DNAH11: variants seen among roughly 807,000 people sequenced by gnomAD.
DNAH11 encodes axonemal beta dynein heavy chain 11.
In DNAH11, 442 loss-of-function variants were observed where a neutral mutation model predicts 526.0. The ratio of observed to expected loss-of-function variants is 0.84; its 90% confidence interval spans 0.78 to 0.91. The LOEUF (loss-of-function observed/expected upper bound fraction) is 0.91, where lower values mean the gene tolerates loss of function less well. DNAH11 is among the 40% of genes least tolerant of loss of function. The pLI is 0.00. For missense variants in DNAH11, 6,989 were observed against 5,448.7 expected, an observed-to-expected ratio of 1.28 and a Z score of -8.90; for synonymous variants, 2,461 against 1,935.9, an observed-to-expected ratio of 1.27 and a Z score of -7.12.
rs376093049 is a variant in DNAH11 at position 21,691,199 on chromosome 7, A to G, written c.6041+318A>G. ...TTTTCTTTTTTTTTTTTTAACAGTCAAAGTGCATTTTATTGCCAACAGAAC... is the reference window on the plus strand; with the variant it reads ...TTTTCTTTTTTTTTTTTTAACAGTCGAAGTGCATTTTATTGCCAACAGAAC... On this transcript the variant is annotated intron_variant, in intron 35 of 81. Coordinates refer to ENST00000409508, the MANE Select transcript of DNAH11 (RefSeq NM_001277115.2). Among the ~76,000 whole-genome samples, 5 of 148,822 alleles carry G rather than the reference A, an allele frequency of 3.4e-5. 1 individual carries two copies. Among genetic ancestry groups the G allele is most frequent in the Admixed American group, 1.3e-4 (2 of 14,892 alleles).
intron 28 of DNAH11, among the ~76,000 whole-genome samples, chr7:21,639,495 C>T (rs1787023817): frequency 6.6e-6 from 1 of 152,190 alleles, no homozygotes; most frequent in South Asian, 2.1e-4. Flanking sequence ...GGCTTATCTT[C>T]AGTGCTGTCC....
intron 76 of DNAH11, among the ~76,000 whole-genome samples, chr7:21,890,325 C>G (rs1053327727): frequency 3.3e-5 from 5 of 152,192 alleles, no homozygotes; most frequent in Non-Finnish European, 5.9e-5. Flanking sequence ...TGTCACATGT[C>G]TATAAAGACT....
chr7:21,597,708 A>C (rs1266613580), intron 14 of DNAH11, among the ~76,000 whole-genome samples: 1 of 152,086 alleles, frequency 6.6e-6, no homozygotes, highest in Non-Finnish European at 1.5e-5. Context: ...CCACCAGGCC[A>C]CTCTCCCAAC....
At chr7:21,793,156 C>T (rs1788549335) in intron 61 of DNAH11, among the ~76,000 whole-genome samples, 1 of 152,256 alleles carries the variant, frequency 6.6e-6, no homozygotes, top group South Asian at 2.1e-4. Context: ...GTTTAATTTT[C>T]CTGTGTTCGT....
chr7:21,887,354 G>T (rs1346047086), intron 76 of DNAH11, among the ~76,000 whole-genome samples: 1 of 152,170 alleles, frequency 6.6e-6, no homozygotes, highest in Non-Finnish European at 1.5e-5. Flanking sequence ...ATTTGGCAGC[G>T]TTAATTAAGA....
At chr7:21,785,034 C>G (rs1788113242) in intron 58 of DNAH11, among the ~76,000 whole-genome samples, 1 of 152,174 alleles carries the variant, frequency 6.6e-6, no homozygotes, top group African/African-American at 2.4e-5. Flanking sequence ...CCTAAGCGTT[C>G]ACATTCTTAT....
intron 2 of DNAH11, among the ~76,000 whole-genome samples, chr7:21,545,435 C>G (rs950166250): frequency 5.3e-5 from 8 of 152,096 alleles, no homozygotes; most frequent in African/African-American, 1.7e-4. Flanking sequence ...TTCTTCCTTC[C>G]AACACAATAG....
rs747820072 is a variant in DNAH11, at chr7:21,698,119, T to C, written c.6086T>C (p.Ile2029Thr). The change falls in exon 36 of 82, where the codon ATC becomes ACC. Residue 2029 changes from isoleucine to threonine, a missense_variant. Transcript: ENST00000409508. Reference protein sequence around the residue: ...VAPDIELICEILLVAEGFVDA... With the variant: ...VAPDIELICETLLVAEGFVDA... ...CCTGACATTGAGCTAATCTGTGAAA[T>C]CTTGTTAGTTGCTGAAGGTTTTGTG... is the stretch of plus-strand genomic sequence containing the variant. 1 of 1,613,600 alleles carries C rather than the reference T, an allele frequency of 6.2e-7. No individual in the cohort carries two copies. The highest frequency in any genetic ancestry group is 8.5e-7 in the Non-Finnish European group (1 of 1,179,712).
At chr7:21,604,229 C>A (rs1785198696) in intron 18 of DNAH11, among the ~76,000 whole-genome samples, 1 of 152,146 alleles carries the variant, frequency 6.6e-6, no homozygotes, top group South Asian at 2.1e-4. Flanking sequence ...TGAGGACTCA[C>A]CACCAGCAAG....
At chr7:21,544,555 A>G (rs1782735675) in intron 1 of DNAH11, among the ~76,000 whole-genome samples, 1 of 152,344 alleles carries the variant, frequency 6.6e-6, no homozygotes, top group East Asian at 1.9e-4. Flanking sequence ...AAATGTTAGC[A>G]TGTTTTGGTT....
At chr7:21,691,053 T>C (rs906673532) in intron 35 of DNAH11, among the ~76,000 whole-genome samples, 172 bp downstream of exon 35, 2 of 152,214 alleles carry the variant, frequency 1.3e-5, no homozygotes, top group African/African-American at 4.8e-5. Flanking sequence ...TTAACCCTTT[T>C]GAATTATAAA....
Position 21,683,746 on chromosome 7 carries a change from C to T in DNAH11, c.5461-38C>T, listed in dbSNP as rs1431521633. ...ATTAATAACTTGTTGCCCCAAACTACCAGTGTCCTGCGTATGATGATTATG... is the reference window on the plus strand; with the variant it reads ...ATTAATAACTTGTTGCCCCAAACTATCAGTGTCCTGCGTATGATGATTATG... On this transcript the variant is annotated intron_variant, in intron 31 of 81. Coordinates refer to ENST00000409508, the MANE Select transcript of DNAH11 (RefSeq NM_001277115.2). 4 of 1,501,480 alleles carry T rather than the reference C, an allele frequency of 2.7e-6. No individual in the cohort carries two copies. The African/African-American group carries it at 5.6e-5, about 21-fold the overall frequency. 93.0% of individuals were successfully genotyped at this position (1,501,480 alleles called of 1,614,324 possible).
At position 21,873,103 on chromosome 7, in the gene DNAH11, TTGATGTA is replaced by T. The variant is rs1437369619; in HGVS notation, c.11968-169_11968-163del. Among the ~76,000 whole-genome samples, 11 of 152,132 alleles carry T rather than the reference TTGATGTA, an allele frequency of 7.2e-5. No homozygotes were observed. In the South Asian group the frequency reaches 1.7e-3, roughly 23 times the overall value. On this transcript the variant is annotated intron_variant, in intron 73 of 81. Coordinates refer to ENST00000409508, the MANE Select transcript of DNAH11 (RefSeq NM_001277115.2). ...AATTCCCTTTTGGCTTTTTTTTTTT[TTGATGTA>T]TTGATGTATTGATAAAGGAAAATTT...
At chr7:21,892,707 T>C (rs1254807105) in intron 77 of DNAH11, 40 bp downstream of exon 77, 29 of 1,531,736 alleles carry the variant, frequency 1.9e-5, no homozygotes, top group Non-Finnish European at 2.5e-5. Flanking sequence ...CATTGAAGTA[T>C]AACTTACTTG....
chr7:21,704,417 A>G lies in DNAH11; in HGVS notation c.6274-17A>G, dbSNP rs72657341. 2.5e-6 allele frequency: 4 copies of G among 1,599,498 alleles called. No homozygotes were observed. Among genetic ancestry groups the G allele is most frequent in the Non-Finnish European group, 3.4e-6 (4 of 1,172,924 alleles). On this transcript the variant is annotated splice_polypyrimidine_tract_variant and intron_variant, in intron 37 of 81. Coordinates refer to ENST00000409508, the MANE Select transcript of DNAH11 (RefSeq NM_001277115.2). ...AGACCTTGTATTGGCTTTTTTATAA[A>G]ATGTTTTTTTTTCTAGGTACTCATG... is the stretch of plus-strand genomic sequence containing the variant.
At chr7:21,728,070 C>A (rs1276374816) in intron 45 of DNAH11, among the ~76,000 whole-genome samples, 1 of 151,854 alleles carries the variant, frequency 6.6e-6, no homozygotes, top group Non-Finnish European at 1.5e-5. Flanking sequence ...TTTTATAAGT[C>A]CTATTCCCAA....
rs903840781 is a variant in DNAH11, at chr7:21,855,049, T to G, written c.11202+594T>G. ...TCTTAATTTTTTTTTTTTTTTTTTTTGGGATGGAGTCTCCCTCTGTCGCCC... is the reference window on the plus strand; with the variant it reads ...TCTTAATTTTTTTTTTTTTTTTTTTGGGGATGGAGTCTCCCTCTGTCGCCC... On this transcript the variant is annotated intron_variant, in intron 68 of 81. Coordinates refer to ENST00000409508, the MANE Select transcript of DNAH11 (RefSeq NM_001277115.2). Among the ~76,000 whole-genome samples, 494 of 91,384 alleles carry G rather than the reference T, an allele frequency of 5.4e-3. 1 individual carries two copies. The highest frequency in any genetic ancestry group is 8.0e-3 in the Non-Finnish European group (297 of 37,254). The allele number at this position is 91,384 out of a possible 152,430, so 60.0% of individuals were successfully genotyped here. A position where few individuals can be genotyped will look rare whatever the true frequency, so the allele number is the denominator to read the frequency against.
At position 21,873,379 on chromosome 7, in the gene DNAH11, G is replaced by A. The variant is rs763332933; in HGVS notation, c.12073G>A (p.Ala4025Thr). The A allele has an allele frequency of 2.5e-6, 4 of 1,613,834 alleles. No homozygotes were observed. The highest frequency in any genetic ancestry group is 2.2e-5 in the East Asian group (1 of 44,888). The change falls in exon 74 of 82, where the codon GCA becomes ACA. Residue 4025 changes from alanine to threonine, a missense_variant. By Grantham distance (58) the Ala-to-Thr change is moderately conservative. Transcript: ENST00000409508. ...DYRVFMSAES[A>T]PTPDEHIIPQ... ...CAGGGTTTTCATGAGTGCTGAGTCT[G>A]CACCTACACCAGATGAGCATATCAT...
At chr7:21,893,757 GTTTC>G (rs1047754467) in intron 77 of DNAH11, among the ~76,000 whole-genome samples, 1 of 152,168 alleles carries the variant, frequency 6.6e-6, no homozygotes, top group Non-Finnish European at 1.5e-5. Flanking sequence ...GAAGATAGAA[GTTTC>G]TTTGTTAAAA....
Sources: allele counts gnomAD v4.1 joint callset (sites outside exome capture counted in the v4.1 genomes callset), GRCh38; gene constraint gnomAD v4.1.1; transcripts MANE v1.5; gene names NCBI Gene and HGNC (gene_info 2026-07-23, HGNC 2026-07-21).